Variants in TEP1 observed in about 807,000 individuals in gnomAD.
TEP1 encodes the protein telomerase protein component 1.
A neutral mutation model predicts 306.3 loss-of-function variants in TEP1; 241 were observed. That is an observed-to-expected ratio of 0.79 (90% confidence interval 0.71 to 0.88). The LOEUF (loss-of-function observed/expected upper bound fraction) is 0.88, where lower values mean the gene tolerates loss of function less well. Ranked by LOEUF, TEP1 falls within the 40% of genes least tolerant of loss-of-function variation. The pLI, the probability that TEP1 is intolerant of heterozygous loss-of-function variation, is 0.00. For missense variants in TEP1, 3,051 were observed against 3,276.1 expected (o/e 0.93, Z 1.68); for synonymous variants, 1,289 against 1,305.5 (o/e 0.99, Z 0.27).
At chr14:20,387,442 C>T (rs530233568) in intron 18 of TEP1, among the ~76,000 whole-genome samples, 180 of 150,742 alleles carry the variant, frequency 1.2e-3, no homozygotes, top group African/African-American at 4.1e-3. Flanking sequence ...GTCCCAGCTA[C>T]TCGGGAGGCT....
chr14:20,390,849 G>A (rs1456866096), intron 14 of TEP1, 89 bp downstream of exon 14: 12 of 1,611,886 alleles, frequency 7.4e-6, no homozygotes, highest in Non-Finnish European at 9.3e-6. Context: ...TCAGAACTGT[G>A]TATTGTCTGT....
intron 35 of TEP1, among the ~76,000 whole-genome samples, chr14:20,379,575 C>T (rs1429298071): frequency 1.3e-5 from 2 of 152,350 alleles, no homozygotes; most frequent in South Asian, 2.1e-4. Flanking sequence ...TATCCTATGT[C>T]CTCCTATAGC....
rs368233990 is a variant in TEP1 at position 20,404,773 on chromosome 14, C to T, written c.871-1G>A. The T allele has an allele frequency of 1.9e-6, 3 of 1,605,812 alleles. No individual in the cohort carries two copies. In the South Asian group the frequency reaches 3.4e-5, roughly 18 times the overall value. On this transcript the variant is annotated splice_acceptor_variant, in intron 4 of 54. Transcript: ENST00000262715. LOFTEE classifies it high-confidence loss of function. ...GCTGCTGCCTGGCATACAAAGATGC[C>T]TAGGACACAGGGTGAGAGGACTAGA...
rs140029752 is a variant in TEP1 at position 20,389,460 on chromosome 14, C to T, written c.2465+150G>A. The stretch of plus-strand genomic sequence containing the variant: ...TCTCACAGAGGGGTACAGAGTTAGG[C>T]TAAAGTATCCACCTGAAGTGCAACA... On this transcript the variant is annotated intron_variant, in intron 16 of 54. Transcript: ENST00000262715. 582 of 1,433,124 alleles carry T rather than the reference C, an allele frequency of 4.1e-4. 5 individuals carry two copies. The African/African-American group carries it at 7.5e-3, about 18-fold the overall frequency. 88.8% of individuals were successfully genotyped at this position (1,433,124 alleles called of 1,614,324 possible).
At chr14:20,404,471 G>C (rs1324818184) in intron 5 of TEP1, 140 bp downstream of exon 5, 6 of 1,078,974 alleles carry the variant, frequency 5.6e-6, no homozygotes, top group Non-Finnish European at 7.7e-6. Context: ...CTAGTGGAGG[G>C]AGAAGCTGTC....
At chr14:20,387,592 T>C (rs985122908) in intron 18 of TEP1, among the ~76,000 whole-genome samples, 2 of 147,022 alleles carry the variant, frequency 1.4e-5, no homozygotes, top group African/African-American at 5.1e-5. Context: ...AGATTCAAAC[T>C]ACTATTTGGC....
intron 1 of TEP1, among the ~76,000 whole-genome samples, chr14:20,410,252 C>G (rs1415029209): frequency 6.6e-6 from 1 of 152,096 alleles, no homozygotes; most frequent in Non-Finnish European, 1.5e-5. Context: ...CTCCTACCAC[C>G]ACCTTTGTTG....
At position 20,404,734 on chromosome 14, in the gene TEP1, A is replaced by T; in HGVS notation, c.909T>A (p.Asn303Lys). 6.2e-7 allele frequency: 1 copy of T among 1,613,684 alleles called. No homozygotes were observed. The highest frequency in any genetic ancestry group is 8.5e-7 in the Non-Finnish European group (1 of 1,179,786). The change falls in exon 5 of 55, where the codon AAT becomes AAA. Residue 303 changes from asparagine (N) to lysine (K), a missense_variant. Physicochemically the swap from Asn to Lys is moderately conservative, Grantham distance 94. Around this residue, in one of 3 missense-constraint regions of TEP1, gnomAD observed 1,507 missense variants for 1,550.5 expected, o/e 0.97. Transcript: ENST00000262715. ...LYARQQLNVR[N>K]VANNILAIAA... ...CAATGGCCAAGATGTTATTGGCCAC[A>T]TTCCGGACGTTCAGCTGCTGCCTGG...
At position 20,368,914 on chromosome 14, in the gene TEP1, A is replaced by G; in HGVS notation, c.7657-12T>C. ...GAGCCCGAGTGAATCTCAAAGAGGAAAGGGGAGAGCAGAATGGTGAGTTCT... is the reference window on the plus strand; with the variant it reads ...GAGCCCGAGTGAATCTCAAAGAGGAGAGGGGAGAGCAGAATGGTGAGTTCT... On this transcript the variant is annotated splice_polypyrimidine_tract_variant and intron_variant, in intron 53 of 54. Coordinates refer to ENST00000262715, the MANE Select transcript of TEP1 (RefSeq NM_007110.5). The G allele has an allele frequency of 1.2e-6, 2 of 1,607,506 alleles. No homozygotes were observed. Among genetic ancestry groups the G allele is most frequent in the Non-Finnish European group, 1.7e-6 (2 of 1,175,660 alleles).
Position 20,376,230 on chromosome 14 carries a change from C to T in TEP1, c.6123G>A (p.Leu2041=). The T allele has an allele frequency of 6.2e-7, 1 of 1,614,174 alleles. No individual in the cohort carries two copies. The highest frequency in any genetic ancestry group is 8.5e-7 in the Non-Finnish European group (1 of 1,180,026). The change falls in exon 42 of 55, where the codon CTG becomes CTA. Residue 2041 remains leucine, a synonymous_variant. Coordinates refer to ENST00000262715, the MANE Select transcript of TEP1 (RefSeq NM_007110.5). ...DFTVQLWPRQ[L]LTRPHKAEDF... ...CTTCTGCCTTGTGTGGCCGCGTCAG[C>T]AGCTGCCTTGGCCACAGCTGCACTG...
In TEP1 at chr14:20,386,595, A is replaced by G. The variant is rs1877180249; in HGVS notation, c.2713T>C (p.Ser905Pro). 6.2e-7 allele frequency: 1 copy of G among 1,606,640 alleles called. No homozygotes were observed. The highest frequency in any genetic ancestry group is 8.5e-7 in the Non-Finnish European group (1 of 1,174,766). Residue 905 changes from serine to proline, a missense_variant, in exon 19 of 55, where the codon TCC becomes CCC. Ser to Pro is a moderately conservative substitution (Grantham distance 74). Transcript: ENST00000262715. ...TCCCCATGCATGTCTCGGAAAGTGG[A>G]TGAAATGAAAAGCCGGATGCTGCGC... ...GWRSIRLFIS[S>P]TFRDMHGERD...
At chr14:20,392,654 TA>T in intron 12 of TEP1, among the ~76,000 whole-genome samples, 1 of 152,370 alleles carries the variant, frequency 6.6e-6, no homozygotes. Context: ...GTAATGTGTA[TA>T]CCTTGTTTAG....
chr14:20,403,284 A>G, intron 7 of TEP1, 93 bp downstream of exon 7: 1 of 1,480,868 alleles, frequency 6.8e-7, no homozygotes. Flanking sequence ...CCCAGGAAGA[A>G]AGTATTTTCA....
chr14:20,412,122 G>A (rs1879720146), intron 1 of TEP1, among the ~76,000 whole-genome samples: 1 of 152,092 alleles, frequency 6.6e-6, no homozygotes, highest in African/African-American at 2.4e-5. Flanking sequence ...ACAATCCAGG[G>A]CCAAAAAGGA....
intron 41 of TEP1, among the ~76,000 whole-genome samples, chr14:20,376,468 G>A (rs761873362): frequency 2.0e-5 from 3 of 152,154 alleles, no homozygotes; most frequent in Non-Finnish European, 4.4e-5. Context: ...GGGAACGTGC[G>A]GCACTCCCAG....
chr14:20,405,859 C>G (rs1358509177), intron 3 of TEP1, among the ~76,000 whole-genome samples: 1 of 151,834 alleles, frequency 6.6e-6, no homozygotes, highest in Non-Finnish European at 1.5e-5. Flanking sequence ...ACTGAAGATA[C>G]AAAAATTAGC....
chr14:20,409,671 G>C (rs772799601), intron 1 of TEP1, among the ~76,000 whole-genome samples: 11 of 152,066 alleles, frequency 7.2e-5, no homozygotes, highest in Non-Finnish European at 1.5e-4. Flanking sequence ...TGGGATCTTG[G>C]TTGGATAAGA....
chr14:20,377,879 C>A (rs926649152), intron 39 of TEP1, 126 bp from the exon 40 acceptor site: 2 of 1,431,024 alleles, frequency 1.4e-6, no homozygotes, highest in African/African-American at 2.8e-5. Context: ...GCTGCCCCTG[C>A]ACACAGCGGC....
In TEP1 at chr14:20,383,981, C is replaced by T. The variant is rs1594342239; in HGVS notation, c.3534+57G>A. Reference sequence around the variant, plus strand: ...ACATGCCTGAGCTCCCTGTGCCTTACCTCCTTAGCCCACACAGCCTTCCCT... The same window carrying T: ...ACATGCCTGAGCTCCCTGTGCCTTATCTCCTTAGCCCACACAGCCTTCCCT... On this transcript the variant is annotated intron_variant, in intron 24 of 54. Coordinates refer to ENST00000262715, the MANE Select transcript of TEP1 (RefSeq NM_007110.5). 7 of 1,583,432 alleles carry T rather than the reference C, an allele frequency of 4.4e-6. No individual in the cohort carries two copies. The East Asian group carries it at 1.3e-4, about 30-fold the overall frequency.
Sources: allele counts gnomAD v4.1 joint callset (sites outside exome capture counted in the v4.1 genomes callset), GRCh38; gene constraint gnomAD v4.1.1; regional missense constraint gnomAD v4.1.1; transcripts MANE v1.5; gene names NCBI Gene and HGNC (gene_info 2026-07-23, HGNC 2026-07-21).